The following CNOT4 variants were observed in gnomAD, a reference collection of about 807,000 sequenced individuals.
The protein encoded by CNOT4 is CCR4-NOT transcription complex subunit 4.
In CNOT4, 8 loss-of-function variants were observed where a neutral mutation model predicts 73.8. The ratio of observed to expected loss-of-function variants is 0.11; its 90% CI spans 0.06 to 0.20. CNOT4 has a LOEUF of 0.20. CNOT4 is among the 10% of genes least tolerant of loss of function. The pLI is 1.00. For missense variants in CNOT4, 564 were observed against 883.4 expected (o/e 0.64, Z 4.58); for synonymous variants, 293 against 321.1 (o/e 0.91, Z 0.94).
At chr7:135,488,492 C>T (rs903053936) in intron 1 of CNOT4, among the ~76,000 whole-genome samples, 13 of 152,240 alleles carry the variant, frequency 8.5e-5, no homozygotes, top group African/African-American at 2.4e-4. Context: ...GGATTACAGG[C>T]GTGAGCCACT....
rs1322532763 is a variant in CNOT4, at chr7:135,504,722, G to A, written c.-93+5167C>T. On this transcript the variant is annotated intron_variant, in intron 1 of 11. Transcript: ENST00000541284. The stretch of plus-strand genomic sequence containing the variant: ...GGGATGGTCTCGATCTCCTGATCTC[G>A]TGATCCGCCCGCCTCGGCCTCCCAA... Among the ~76,000 whole-genome samples the A allele has an allele frequency of 2.4e-5, 3 of 122,684 alleles. 1 individual carries two copies. Among genetic ancestry groups the A allele is most frequent in the South Asian group, 5.1e-4 (2 of 3,884 alleles). The allele number at this position is 122,684 out of a possible 152,430, so 80.5% of individuals were successfully genotyped here. A position where few individuals can be genotyped will look rare whatever the true frequency, so the allele number is the denominator to read the frequency against.
At chr7:135,475,316 T>A (rs1801919679) in intron 1 of CNOT4, among the ~76,000 whole-genome samples, 1 of 151,700 alleles carries the variant, frequency 6.6e-6, no homozygotes, top group Non-Finnish European at 1.5e-5. Context: ...AAGGACAGAG[T>A]CAATCAACAA....
intron 10 of CNOT4, among the ~76,000 whole-genome samples, chr7:135,377,539 C>T (rs1795589256): frequency 6.6e-6 from 1 of 152,132 alleles, no homozygotes; most frequent in South Asian, 2.1e-4. Context: ...TATTCACATA[C>T]TAGGGGAAAT....
chr7:135,403,952 T>C (rs1443655003), intron 7 of CNOT4, among the ~76,000 whole-genome samples: 1 of 152,220 alleles, frequency 6.6e-6, no homozygotes, highest in African/African-American at 2.4e-5. Flanking sequence ...TTTGCTTTCA[T>C]TCTAGTAAAC....
intron 7 of CNOT4, among the ~76,000 whole-genome samples, chr7:135,403,676 TATG>T (rs1797121300): frequency 1.3e-5 from 2 of 152,292 alleles, no homozygotes; most frequent in South Asian, 4.1e-4. Flanking sequence ...GTTGTGTAAA[TATG>T]ATTTTAATTA....
chr7:135,449,722 TA>T (rs1220326310), intron 1 of CNOT4, among the ~76,000 whole-genome samples: 2 of 151,814 alleles, frequency 1.3e-5, no homozygotes, highest in African/African-American at 4.8e-5. Flanking sequence ...AGAGTAAAAT[TA>T]TAAAAAGACA....
rs537543369 is a variant in CNOT4 at position 135,493,011 on chromosome 7, C to G, written c.-93+16878G>C. ...TAACCCAGGTGGCAGTAGATGCCAG[C>G]AAACATGAGGATTTACAGACAATAT... is the stretch of plus-strand genomic sequence containing the variant. On this transcript the variant is annotated intron_variant, in intron 1 of 11. Coordinates refer to ENST00000541284, the MANE Select transcript of CNOT4 (RefSeq NM_001190850.2). Among the ~76,000 whole-genome samples the G allele has an allele frequency of 7.2e-5, 11 of 152,272 alleles. No individual in the cohort carries two copies. The South Asian group carries it at 1.9e-3, about 26-fold the overall frequency.
chr7:135,422,536 T>C (rs190184727), intron 2 of CNOT4, among the ~76,000 whole-genome samples, 183 bp from the exon 3 acceptor site: 1 of 152,278 alleles, frequency 6.6e-6, no homozygotes, highest in Non-Finnish European at 1.5e-5. Context: ...AAAATAGTTC[T>C]AATAAAAAAT....
chr7:135,456,841 G>A (rs1421498574), intron 1 of CNOT4, among the ~76,000 whole-genome samples: 2 of 151,968 alleles, frequency 1.3e-5, no homozygotes, highest in Non-Finnish European at 2.9e-5. Context: ...TACTATCTGC[G>A]GTTTCAGGCA....
At position 135,362,503 on chromosome 7, in the gene CNOT4, A is replaced by C. The variant is rs889211031; in HGVS notation, c.*382T>G. On this transcript the variant is annotated 3_prime_UTR_variant, in exon 12 of 12. Transcript: ENST00000541284. The stretch of plus-strand genomic sequence containing the variant: ...GGTTTTCAAACTTCTGCAGTTGATA[A>C]TGCATTTACTTGAGCTTTCCTATAG... The C allele has an allele frequency of 5.8e-6, 2 of 344,308 alleles. No homozygotes were observed. The highest frequency in any genetic ancestry group is 1.1e-5 in the Non-Finnish European group (2 of 179,810). The allele number at this position is 344,308 out of a possible 1,614,324, so 21.3% of individuals were successfully genotyped here.
At chr7:135,417,007 T>C (rs1048496055) in intron 3 of CNOT4, among the ~76,000 whole-genome samples, 2 of 152,334 alleles carry the variant, frequency 1.3e-5, no homozygotes, top group East Asian at 3.9e-4. Flanking sequence ...GTTTAAAATT[T>C]TACTAAGAGT....
intron 1 of CNOT4, among the ~76,000 whole-genome samples, chr7:135,463,202 T>C (rs182877982): frequency 5.9e-5 from 9 of 152,238 alleles, no homozygotes; most frequent in African/African-American, 1.7e-4. Flanking sequence ...AAAAACTAAC[T>C]GAAGATGGAT....
intron 1 of CNOT4, among the ~76,000 whole-genome samples, chr7:135,440,391 A>T (rs1053995914): frequency 6.6e-6 from 1 of 151,878 alleles, no homozygotes; most frequent in Non-Finnish European, 1.5e-5. Flanking sequence ...AAAGTAGAGA[A>T]GTAGAGAGGA....
rs71174525 is a variant in CNOT4, at chr7:135,489,391, CTTTTTTTT to C, written c.-93+20490_-93+20497del. 3.4e-3 allele frequency among the ~76,000 whole-genome samples: 285 copies of C among 84,754 alleles called. 6 individuals are homozygous for C. The East Asian group carries it at 0.08, about 24-fold the overall frequency. 55.6% of individuals were successfully genotyped at this position (84,754 alleles called of 152,430 possible). A position where few individuals can be genotyped will look rare whatever the true frequency, so the allele number is the denominator to read the frequency against. ...ATCTTGATTCAGACTAGTCACATTTCTTTTTTTTTTTTTTTTTTTTTTTTGAGACAGTC... is the reference window on the plus strand; with the variant it reads ...ATCTTGATTCAGACTAGTCACATTTCTTTTTTTTTTTTTTTTGAGACAGTC... On this transcript the variant is annotated intron_variant, in intron 1 of 11. Transcript: ENST00000541284.
At chr7:135,444,322 C>T (rs1318091604) in intron 1 of CNOT4, 2 of 613,034 alleles carry the variant, frequency 3.3e-6, no homozygotes, top group Non-Finnish European at 6.0e-6. Context: ...CACCAGTGTT[C>T]CTAACAGTAT....
chr7:135,411,338 G>A (rs1038868726), intron 6 of CNOT4, among the ~76,000 whole-genome samples: 5 of 152,020 alleles, frequency 3.3e-5, no homozygotes, highest in African/African-American at 9.7e-5. Context: ...GTATTTGGCT[G>A]CCATTCTGCT....
intron 3 of CNOT4, among the ~76,000 whole-genome samples, chr7:135,421,823 GA>G (rs1798210206): frequency 6.6e-6 from 1 of 152,120 alleles, no homozygotes; most frequent in Non-Finnish European, 1.5e-5. Flanking sequence ...ACAGAAAAGA[GA>G]AAAGAAACAG....
Position 135,468,478 on chromosome 7 carries a change from C to T in CNOT4, c.-92-30055G>A, listed in dbSNP as rs113107535. 2.6e-5 allele frequency among the ~76,000 whole-genome samples: 4 copies of T among 152,040 alleles called. 1 individual carries two copies. Among genetic ancestry groups the T allele is most frequent in the African/African-American group, 9.6e-5 (4 of 41,474 alleles). On this transcript the variant is annotated intron_variant, in intron 1 of 11. Transcript: ENST00000541284. ...GGTGGGTGACCTGAGGTCAGGAGTTCAAGACCAGCCTGGCCAACATGGCAA... is the reference window on the plus strand; with the variant it reads ...GGTGGGTGACCTGAGGTCAGGAGTTTAAGACCAGCCTGGCCAACATGGCAA...
chr7:135,401,658 T>C (rs913778263), intron 7 of CNOT4, among the ~76,000 whole-genome samples: 2 of 152,050 alleles, frequency 1.3e-5, no homozygotes, highest in Admixed American at 1.3e-4. Flanking sequence ...TAGAAAGGTG[T>C]TTGAAAAATT....
Sources: gnomAD v4.1 joint callset for allele counts (sites outside exome capture counted in the v4.1 genomes callset) on GRCh38, gnomAD v4.1.1 for gene constraint, MANE v1.5 for transcripts, NCBI Gene and HGNC (gene_info 2026-07-23, HGNC 2026-07-21) for gene names.